The following PEAK1 variants were observed in gnomAD, a reference collection of about 807,000 sequenced individuals.
The protein encoded by PEAK1 is inactive tyrosine-protein kinase PEAK1.
In PEAK1, 54 loss-of-function variants were observed where a neutral mutation model predicts 124.7. The observed-to-expected ratio is 0.43, with a 90% CI of 0.35 to 0.54. The LOEUF is 0.54. Among genes scored for constraint, PEAK1 ranks in the 20% least tolerant of loss-of-function variants. The probability of loss-of-function intolerance (pLI) is 0.01; values close to 1 mark genes in which losing one functional copy is unlikely to be tolerated. For missense variants in PEAK1, 2,046 were observed against 2,134.5 expected, an observed-to-expected ratio of 0.96 and a Z score of 0.82; for synonymous variants, 719 against 760.0, an observed-to-expected ratio of 0.95 and a Z score of 0.89.
chr15:77,276,812 AT>A (rs1286882721), intron 5 of PEAK1, among the ~76,000 whole-genome samples: 11 of 152,290 alleles, frequency 7.2e-5, no homozygotes, highest in African/African-American at 2.6e-4. Flanking sequence ...ACACATAAAA[AT>A]ATATATAAAC....
Position 77,111,114 on chromosome 15 carries a change from G to A in PEAK1, c.*3042C>T, listed in dbSNP as rs2050951125. The stretch of plus-strand genomic sequence containing the variant: ...AATTGTTCAAACTCTCAATATAAAT[G>A]GAAAACTCTACAGTATAGACTTCAA... On this transcript the variant is annotated 3_prime_UTR_variant, in exon 10 of 10. Coordinates refer to ENST00000682557, the MANE Select transcript of PEAK1 (RefSeq NM_001385026.1). 6.6e-6 allele frequency: 1 copy of A among 152,088 alleles called. No homozygotes were observed. Among genetic ancestry groups the A allele is most frequent in the East Asian group, 1.9e-4 (1 of 5,186 alleles). 9.4% of individuals were successfully genotyped at this position (152,088 alleles called of 1,614,324 possible).
chr15:77,112,470 ATGTC>A lies in PEAK1; in HGVS notation c.*1682_*1685del, dbSNP rs1284234086. On this transcript the variant is annotated 3_prime_UTR_variant, in exon 10 of 10. Coordinates refer to ENST00000682557, the MANE Select transcript of PEAK1 (RefSeq NM_001385026.1). ...CACTCACTCACTAGGCACAGAGAAC[ATGTC>A]TGTCAACCCTGCCACAGGTTGCTTT... The A allele has an allele frequency of 1.3e-5, 2 of 152,236 alleles. No homozygotes were observed. Among genetic ancestry groups the A allele is most frequent in the Non-Finnish European group, 2.9e-5 (2 of 68,058 alleles). 9.4% of individuals were successfully genotyped at this position (152,236 alleles called of 1,614,324 possible). A position where few individuals can be genotyped will look rare whatever the true frequency, so the allele number is the denominator to read the frequency against.
chr15:77,177,652 A>G (rs1012704472), intron 7 of PEAK1, among the ~76,000 whole-genome samples: 2 of 151,992 alleles, frequency 1.3e-5, no homozygotes, highest in African/African-American at 4.8e-5. Flanking sequence ...AAGGAGGGAG[A>G]AGGACTCAGA....
intron 1 of PEAK1, among the ~76,000 whole-genome samples, chr15:77,397,997 G>A (rs533203037): frequency 3.9e-4 from 59 of 152,230 alleles, no homozygotes; most frequent in South Asian, 1.2e-3. Flanking sequence ...CCCAGGAGGC[G>A]GAGGTTGCGG....
chr15:77,198,218 G>C (rs756188441), intron 6 of PEAK1, among the ~76,000 whole-genome samples: 1 of 152,074 alleles, frequency 6.6e-6, no homozygotes, highest in Non-Finnish European at 1.5e-5. Flanking sequence ...TGCTTAAAAG[G>C]CCATGCGATG....
At chr15:77,336,630 A>G (rs1017931905) in intron 2 of PEAK1, 1 of 727,598 alleles carries the variant, frequency 1.4e-6, no homozygotes, top group Non-Finnish European at 1.7e-6. Flanking sequence ...GGTGAACTTA[A>G]TAATGGACAT....
intron 2 of PEAK1, chr15:77,348,259 G>A (rs554986750): frequency 1.5e-4 from 142 of 931,342 alleles, no homozygotes; most frequent in South Asian, 6.4e-4. Flanking sequence ...ACTAATTAGC[G>A]TACAACATCC....
At chr15:77,150,729 G>T (rs907823025) in intron 8 of PEAK1, among the ~76,000 whole-genome samples, 3 of 142,252 alleles carry the variant, frequency 2.1e-5, no homozygotes, top group Non-Finnish European at 3.0e-5. Flanking sequence ...GTTCTCACTG[G>T]TCAATTCCCA....
At chr15:77,197,571 A>G (rs1169517061) in intron 6 of PEAK1, among the ~76,000 whole-genome samples, 1 of 152,068 alleles carries the variant, frequency 6.6e-6, no homozygotes, top group Non-Finnish European at 1.5e-5. Flanking sequence ...TTCTACCTTA[A>G]TAATATTTTG....
At chr15:77,416,885 T>C (rs991625286) in intron 1 of PEAK1, among the ~76,000 whole-genome samples, 1 of 152,248 alleles carries the variant, frequency 6.6e-6, no homozygotes, top group Non-Finnish European at 1.5e-5. Context: ...TGAGTTTATA[T>C]TATTAAAATT....
At chr15:77,216,480 A>C (rs376402614) in intron 6 of PEAK1, among the ~76,000 whole-genome samples, 2 of 152,254 alleles carry the variant, frequency 1.3e-5, no homozygotes, top group Non-Finnish European at 2.9e-5. Context: ...TCAACTTTAT[A>C]GTAAAGCTTG....
intron 6 of PEAK1, among the ~76,000 whole-genome samples, chr15:77,185,935 T>C (rs573498749): frequency 6.6e-6 from 1 of 152,192 alleles, no homozygotes; most frequent in Non-Finnish European, 1.5e-5. Context: ...GTGACTTTCC[T>C]AAGGACACAC....
intron 5 of PEAK1, among the ~76,000 whole-genome samples, chr15:77,260,110 C>A (rs1358481341): frequency 2.6e-5 from 4 of 152,090 alleles, no homozygotes; most frequent in Non-Finnish European, 4.4e-5. Context: ...AACAAGCTCC[C>A]TTCCGCAAGA....
intron 2 of PEAK1, chr15:77,350,391 C>T: frequency 1.0e-6 from 1 of 985,316 alleles, no homozygotes; most frequent in Non-Finnish European, 1.2e-6. Flanking sequence ...CATTTGTGCT[C>T]AGCAAGGACT....
intron 1 of PEAK1, among the ~76,000 whole-genome samples, chr15:77,386,841 AC>A (rs2069990076): frequency 6.6e-6 from 1 of 152,116 alleles, no homozygotes; most frequent in South Asian, 2.1e-4. Flanking sequence ...CCTCGTTAAT[AC>A]CTCAATTGAC....
At chr15:77,106,977 T>A (rs1486206230), downstream of PEAK1, 3 of 152,180 alleles carry the variant, frequency 2.0e-5, no homozygotes, top group Admixed American at 6.5e-5. Flanking sequence ...CAGCTTTTAA[T>A]ATTTAATTTA....
intron 8 of PEAK1, among the ~76,000 whole-genome samples, chr15:77,144,224 T>C (rs1335065335): frequency 6.6e-6 from 1 of 152,244 alleles, no homozygotes; most frequent in Non-Finnish European, 1.5e-5. Context: ...CTGTCTTATC[T>C]ACCACTATTT....
At chr15:77,228,710 T>G (rs1198122758) in intron 6 of PEAK1, among the ~76,000 whole-genome samples, 1 of 152,162 alleles carries the variant, frequency 6.6e-6, no homozygotes, top group Non-Finnish European at 1.5e-5. Flanking sequence ...AATTAAAAAC[T>G]ATACTTTATG....
chr15:77,339,292 T>C (rs971252855), intron 2 of PEAK1, among the ~76,000 whole-genome samples: 13 of 151,864 alleles, frequency 8.6e-5, no homozygotes, highest in Admixed American at 2.0e-4. Context: ...TTTGTAGATA[T>C]GGGGTTTCAT....
Sources: allele counts gnomAD v4.1 joint callset (sites outside exome capture counted in the v4.1 genomes callset), GRCh38; gene constraint gnomAD v4.1.1; transcripts MANE v1.5; gene names NCBI Gene and HGNC (gene_info 2026-07-23, HGNC 2026-07-21).